Variants in ZPBP observed in about 807,000 individuals in gnomAD.
ZPBP encodes the protein zona pellucida-binding protein 1.
ZPBP carries 26 observed loss-of-function variants against 44.8 expected under a neutral mutation model. The observed-to-expected ratio is 0.58, with a 90% CI of 0.43 to 0.81. ZPBP has a LOEUF of 0.81. ZPBP is among the 30% of genes least tolerant of loss of function. ZPBP has a pLI of 0.00. For synonymous variants in ZPBP, 174 were observed against 153.2 expected (o/e 1.14, Z -1.00); for missense variants, 409 against 434.0 (o/e 0.94, Z 0.51).
chr7:49,981,799 A>G (rs1203998837), intron 7 of ZPBP, among the ~76,000 whole-genome samples: 1 of 94,030 alleles, frequency 1.1e-5, no homozygotes, highest in African/African-American at 4.4e-5. Context: ...TTATATAATT[A>G]TATGAATTAT....
chr7:49,882,144 G>C (rs1004835137), intron 2 of ZPBP, among the ~76,000 whole-genome samples: 2 of 151,896 alleles, frequency 1.3e-5, no homozygotes, highest in Middle Eastern at 3.2e-3. Flanking sequence ...GAAAAAAACT[G>C]GTGATATAAT....
rs540421182 is a variant in ZPBP, at chr7:49,928,585, T to C, written n.411+7166A>G. 8.7e-4 allele frequency among the ~76,000 whole-genome samples: 133 copies of C among 152,336 alleles called. 5 individuals carry two copies. In the South Asian group the frequency reaches 0.027, roughly 31 times the overall value. ...CACTCTATAACTGATGCTCAGATTT[T>C]ATAAAGAACTTCCCATGAGGTCACA... On this transcript the variant is annotated intron_variant and non_coding_transcript_variant, in intron 1 of 2. Transcript: ENST00000465922.
At chr7:49,891,607 TAAC>T (rs1046194110) in intron 2 of ZPBP, among the ~76,000 whole-genome samples, 1 of 152,088 alleles carries the variant, frequency 6.6e-6, no homozygotes, top group African/African-American at 2.4e-5. Context: ...CGATAAAATA[TAAC>T]AATAAAAAAA....
intron 4 of ZPBP, among the ~76,000 whole-genome samples, chr7:50,041,195 C>G (rs1001438519): frequency 6.6e-6 from 1 of 152,176 alleles, no homozygotes; most frequent in African/African-American, 2.4e-5. Context: ...CTCCCTGGGA[C>G]AGAGCACCTG....
chr7:50,074,049 G>A (rs191090311), intron 3 of ZPBP, among the ~76,000 whole-genome samples: 19 of 151,932 alleles, frequency 1.3e-4, no homozygotes, highest in Admixed American at 2.6e-4. Flanking sequence ...TTTGATGAAC[G>A]AATCAAAAAT....
At chr7:49,975,063 T>C (rs1310740762) in intron 7 of ZPBP, among the ~76,000 whole-genome samples, 3 of 151,992 alleles carry the variant, frequency 2.0e-5, no homozygotes, top group Non-Finnish European at 4.4e-5. Flanking sequence ...ATAAGTTAAG[T>C]CACAAGCAGT....
At chr7:49,855,693 G>C (rs1790389147) in intron 2 of ZPBP, among the ~76,000 whole-genome samples, 1 of 152,222 alleles carries the variant, frequency 6.6e-6, no homozygotes, top group South Asian at 2.1e-4. Flanking sequence ...ATGGTGAATA[G>C]TGTGAATCAG....
At chr7:49,876,396 C>T (rs756791255) in intron 2 of ZPBP, among the ~76,000 whole-genome samples, 4 of 152,152 alleles carry the variant, frequency 2.6e-5, no homozygotes, top group Non-Finnish European at 5.9e-5. Flanking sequence ...TATGAGCCTT[C>T]GTTTCCACAT....
chr7:50,090,932 G>A (rs1802959791), intron 1 of ZPBP, among the ~76,000 whole-genome samples: 1 of 152,042 alleles, frequency 6.6e-6, no homozygotes. Flanking sequence ...CCCACCAGCA[G>A]TGTAGAAGTG....
chr7:50,085,839 T>A (rs74725988), intron 2 of ZPBP, among the ~76,000 whole-genome samples: 4,592 of 152,194 alleles, frequency 0.03, 89 homozygotes, highest in Middle Eastern at 0.061. Flanking sequence ...TTCTGAACAT[T>A]CCTGAAAAAG....
chr7:49,871,908 AACACACACACAC>A (rs72332840), intron 2 of ZPBP, among the ~76,000 whole-genome samples: 1,708 of 87,888 alleles, frequency 0.019, 39 homozygotes, highest in Middle Eastern at 0.052. Flanking sequence ...TGTGTATATA[AACACACACACAC>A]ACACACACAC....
intron 2 of ZPBP, among the ~76,000 whole-genome samples, chr7:49,870,071 A>G (rs909737159): frequency 5.9e-5 from 9 of 152,328 alleles, no homozygotes; most frequent in Non-Finnish European, 1.3e-4. Flanking sequence ...ACAGAAGTGT[A>G]GTACTGATTG....
intron 2 of ZPBP, among the ~76,000 whole-genome samples, chr7:49,852,417 G>A (rs1194293618): frequency 6.6e-6 from 1 of 152,188 alleles, no homozygotes; most frequent in East Asian, 1.9e-4. Context: ...CAAGGTGACC[G>A]GTGCTGTTTT....
intron 2 of ZPBP, among the ~76,000 whole-genome samples, chr7:49,899,829 T>C (rs1212444651): frequency 1.3e-5 from 2 of 151,976 alleles, no homozygotes; most frequent in African/African-American, 4.8e-5. Context: ...GTGGATATAA[T>C]TGACATCTAT....
chr7:49,994,899 G>C (rs1023120785), intron 6 of ZPBP, among the ~76,000 whole-genome samples: 7 of 152,106 alleles, frequency 4.6e-5, no homozygotes, highest in African/African-American at 1.4e-4. Flanking sequence ...AAATGTGCCA[G>C]AGTAACACAC....
At chr7:49,870,129 G>A (rs1260473851) in intron 2 of ZPBP, among the ~76,000 whole-genome samples, 4 of 152,112 alleles carry the variant, frequency 2.6e-5, no homozygotes, top group South Asian at 2.1e-4. Flanking sequence ...CGCTGGGTGC[G>A]GTGGCTCATA....
At chr7:49,879,091 T>A (rs945035585) in intron 2 of ZPBP, among the ~76,000 whole-genome samples, 1 of 152,164 alleles carries the variant, frequency 6.6e-6, no homozygotes, top group Non-Finnish European at 1.5e-5. Context: ...CCCTCAATCC[T>A]CAAAGGTCTC....
chr7:49,914,663 A>C (rs1583829136), intron 1 of ZPBP: 1 of 152,232 alleles, frequency 6.6e-6, no homozygotes, highest in South Asian at 2.1e-4. Context: ...AGACTTTCAC[A>C]AATACATAGC....
intron 2 of ZPBP, among the ~76,000 whole-genome samples, chr7:49,858,815 T>C (rs539503349): frequency 6.6e-6 from 1 of 152,372 alleles, no homozygotes; most frequent in Admixed American, 6.5e-5. Flanking sequence ...ACTTATTTTT[T>C]ATGTTTATAA....
Sources: allele counts gnomAD v4.1 joint callset (sites outside exome capture counted in the v4.1 genomes callset), GRCh38; gene constraint gnomAD v4.1.1; transcripts MANE v1.5; gene names NCBI Gene and HGNC (gene_info 2026-07-23, HGNC 2026-07-21).